Variants in FCRL3 observed in about 807,000 individuals in gnomAD.
FCRL3 encodes the protein Fc receptor-like protein 3.
A neutral mutation model predicts 75.0 loss-of-function variants in FCRL3; 89 were observed. The ratio of observed to expected loss-of-function variants is 1.19; its 90% CI spans 1.00 to 1.42. The LOEUF (loss-of-function observed/expected upper bound fraction) is 1.42, where lower values mean the gene tolerates loss of function less well. FCRL3 is among the 40% of genes most tolerant of loss of function. The pLI is 0.00. For missense variants in FCRL3, 946 were observed against 880.0 expected (o/e 1.07, Z -0.95); for synonymous variants, 376 against 348.5 (o/e 1.08, Z -0.88).
At chr1:157,694,645 A>G (rs981029886) in intron 8 of FCRL3, among the ~76,000 whole-genome samples, 5 of 152,202 alleles carry the variant, frequency 3.3e-5, no homozygotes, top group Admixed American at 3.3e-4. Flanking sequence ...ATGATTGGGC[A>G]CATTGCTAAT....
intron 11 of FCRL3, among the ~76,000 whole-genome samples, chr1:157,681,348 C>T (rs753620212): frequency 2.5e-4 from 38 of 150,230 alleles, no homozygotes; most frequent in Non-Finnish European, 4.4e-4. Flanking sequence ...CCCATTAACT[C>T]GTCATTTAGA....
intron 4 of FCRL3, chr1:157,698,155 T>C (rs573631254): frequency 4.2e-6 from 3 of 719,782 alleles, no homozygotes; most frequent in South Asian, 3.9e-5. Context: ...AATCCCAGAC[T>C]TGAACCCCTT....
rs1656054577 is a variant in FCRL3 at position 157,697,892 on chromosome 1, G to A, written c.326C>T (p.Pro109Leu). 1 of 1,614,020 alleles carries A rather than the reference G, an allele frequency of 6.2e-7. No individual in the cohort carries two copies. Among genetic ancestry groups the A allele is most frequent in the Non-Finnish European group, 8.5e-7 (1 of 1,180,014 alleles). The change falls in exon 5 of 15, where the codon CCT becomes CTT. Residue 109 changes from proline (P) to leucine (L), a missense_variant. Physicochemically the swap from Pro to Leu is moderately conservative, Grantham distance 98. Coordinates refer to ENST00000368184, the MANE Select transcript of FCRL3 (RefSeq NM_052939.4). Reference protein sequence around the residue: ...PDWLILQALHPVFEGDNVILR... With the variant: ...PDWLILQALHLVFEGDNVILR... ...AATGACATTGTCTCCTTCAAAGACA[G>A]GATGTAAAGCCTGCAGGATCAGCCA...
Position 157,698,419 on chromosome 1 carries a change from G to A in FCRL3, c.263C>T (p.Ser88Phe). 1 of 1,614,206 alleles carries A rather than the reference G, an allele frequency of 6.2e-7. No individual in the cohort carries two copies. Among genetic ancestry groups the A allele is most frequent in the South Asian group, 1.1e-5 (1 of 91,086 alleles). Residue 88 changes from serine to phenylalanine, a missense_variant, in exon 4 of 15, where the codon TCC becomes TTC. Transcript: ENST00000368184. ...TTCCACATGCACGGCATCACTGAGG[G>A]AGGATCCTCGGGTCTTACATTGGTA... is the stretch of plus-strand genomic sequence containing the variant. ...GNYQCKTRGS[S>F]LSDAVHVEFS... is the part of the protein sequence containing the mutation.
intron 10 of FCRL3, among the ~76,000 whole-genome samples, chr1:157,684,568 G>A (rs1306702875): frequency 6.6e-6 from 1 of 152,136 alleles, no homozygotes; most frequent in Non-Finnish European, 1.5e-5. Flanking sequence ...AGAGAAAACT[G>A]AGACCTAGAC....
chr1:157,678,890 A>G, intron 14 of FCRL3, 34 bp from the exon 15 acceptor site: 2 of 1,614,122 alleles, frequency 1.2e-6, no homozygotes, highest in Non-Finnish European at 1.7e-6. Flanking sequence ...TAAGTACCTA[A>G]ATACAGGAGA....
At chr1:157,694,929 G>A (rs1369848795) in intron 8 of FCRL3, among the ~76,000 whole-genome samples, 4 of 152,142 alleles carry the variant, frequency 2.6e-5, no homozygotes, top group Non-Finnish European at 5.9e-5. Flanking sequence ...AATTTAGATT[G>A]AGATAGGGGC....
rs547276540 is a variant in FCRL3 at position 157,677,909 on chromosome 1, G to T, written c.*801C>A. On this transcript the variant is annotated 3_prime_UTR_variant, in exon 15 of 15. Coordinates refer to ENST00000368184, the MANE Select transcript of FCRL3 (RefSeq NM_052939.4). ...AGTGAGGTAGAGGAAGAGAATGGGA[G>T]AAGCCACATAGATATAGTAGGTTAT... 1.2e-4 allele frequency: 119 copies of T among 966,052 alleles called. 1 individual carries two copies. The South Asian group carries it at 5.0e-3, about 41-fold the overall frequency. The allele number at this position is 966,052 out of a possible 1,614,324, so 59.8% of individuals were successfully genotyped here. A position where few individuals can be genotyped will look rare whatever the true frequency, so the allele number is the denominator to read the frequency against.
In FCRL3 at chr1:157,677,614, AT is replaced by A. The variant is rs1230328653; in HGVS notation, c.*1095del. On this transcript the variant is annotated 3_prime_UTR_variant, in exon 15 of 15. Transcript: ENST00000368184. Reference sequence around the variant, plus strand: ...TTTTGATGGTGATAGCTAGGAAAACATTAAGCCAGATATTTTACACAAGTAA... The same window carrying A: ...TTTTGATGGTGATAGCTAGGAAAACATAAGCCAGATATTTTACACAAGTAA... The A allele has an allele frequency of 9.1e-6, 9 of 984,992 alleles. No individual in the cohort carries two copies. The African/African-American group carries it at 1.6e-4, about 17-fold the overall frequency. The allele number at this position is 984,992 out of a possible 1,614,324, so 61.0% of individuals were successfully genotyped here. A position where few individuals can be genotyped will look rare whatever the true frequency, so the allele number is the denominator to read the frequency against.
chr1:157,680,663 A>T lies in FCRL3; in HGVS notation c.2026+39T>A, dbSNP rs1040883765. The T allele has an allele frequency of 1.9e-6, 3 of 1,574,726 alleles. No homozygotes were observed. The African/African-American group carries it at 4.1e-5, about 21-fold the overall frequency. ...GACCCCTTGCCCGTTTCAATAAAAC[A>T]CTGCCACCTCACCTCTATTTGCCTG... On this transcript the variant is annotated intron_variant, in intron 13 of 14. Transcript: ENST00000368184.
chr1:157,693,991 T>C (rs142258386), intron 8 of FCRL3, among the ~76,000 whole-genome samples: 2,170 of 152,176 alleles, frequency 0.014, 49 homozygotes, highest in African/African-American at 0.049. Flanking sequence ...CTCAAGTGAT[T>C]TGCCCACCTC....
At chr1:157,700,407 T>C (rs1656238806) in intron 2 of FCRL3, 52 bp downstream of exon 2, 1 of 1,613,240 alleles carries the variant, frequency 6.2e-7, no homozygotes, top group Admixed American at 1.7e-5. Context: ...AGTTTTTCCC[T>C]GGTCACCTTT....
rs753022669 is a variant in FCRL3, at chr1:157,695,372, G to A, written c.1368C>T (p.Gly456=). 2.0e-5 allele frequency: 32 copies of A among 1,614,090 alleles called. No homozygotes were observed. Among genetic ancestry groups the A allele is most frequent in the African/African-American group, 4.0e-5 (3 of 74,940 alleles). The change falls in exon 8 of 15, where the codon GGC becomes GGT. Residue 456 remains glycine (G), a synonymous_variant. Coordinates refer to ENST00000368184, the MANE Select transcript of FCRL3 (RefSeq NM_052939.4). ...CTCCATGACTGTGCTGGGCCCCCAG[G>A]CCATTGTCTGCATCACAGGAGTAGT... ...SGNYSCDADN[G]LGAQHSHGVS...
intron 10 of FCRL3, among the ~76,000 whole-genome samples, chr1:157,683,858 G>A (rs1655002218): frequency 6.6e-6 from 1 of 152,066 alleles, no homozygotes; most frequent in South Asian, 2.1e-4. Context: ...GATGCCAACA[G>A]GCTGGATTAA....
Position 157,700,754 on chromosome 1 carries a change from A to C in FCRL3, c.-189T>G. On this transcript the variant is annotated 5_prime_UTR_variant, in exon 1 of 15. Coordinates refer to ENST00000368184, the MANE Select transcript of FCRL3 (RefSeq NM_052939.4). ...CATCAGCTGCAGTCTCTCAGGAGTA[A>C]TGTCTCCAAGACTGTGCCTGGGTTC... 5.1e-6 allele frequency: 7 copies of C among 1,381,166 alleles called. No homozygotes were observed. Among genetic ancestry groups the C allele is most frequent in the Non-Finnish European group, 6.6e-6 (7 of 1,064,740 alleles). The allele number at this position is 1,381,166 out of a possible 1,614,324, so 85.6% of individuals were successfully genotyped here. A position where few individuals can be genotyped will look rare whatever the true frequency, so the allele number is the denominator to read the frequency against.
chr1:157,689,485 A>C (rs796912874), intron 10 of FCRL3, among the ~76,000 whole-genome samples: 28 of 152,208 alleles, frequency 1.8e-4, no homozygotes, highest in African/African-American at 6.7e-4. Flanking sequence ...ATGATGATTT[A>C]TTTATTTTTT....
chr1:157,696,086 G>A lies in FCRL3; in HGVS notation c.1086C>T (p.Asn362=), dbSNP rs368325573. The A allele has an allele frequency of 6.8e-6, 11 of 1,613,348 alleles. No homozygotes were observed. Among genetic ancestry groups the A allele is most frequent in the African/African-American group, 5.3e-5 (4 of 74,914 alleles). ...DAGRYYCAAD[N]VHSPILSTWI... is the part of the protein sequence containing the mutation. ...ACGTGCTGAGGATGGGGCTGTGAAC[G>A]TTATCAGCTGCACAGTAGTATCTCC... Residue 362 remains asparagine (N), a synonymous_variant, in exon 7 of 15, where the codon AAC becomes AAT. Transcript: ENST00000368184.
intron 11 of FCRL3, 138 bp from the exon 12 acceptor site, chr1:157,681,237 T>TC: frequency 2.2e-6 from 1 of 458,530 alleles, no homozygotes; most frequent in Non-Finnish European, 3.7e-6. Context: ...TTGGGTCTTT[T>TC]TTTTTAATTT....
Position 157,679,176 on chromosome 1 carries a change from C to A in FCRL3, c.2027-203G>T. 3 of 626,608 alleles carry A rather than the reference C, an allele frequency of 4.8e-6. No homozygotes were observed. In the East Asian group the frequency reaches 8.3e-5, roughly 17 times the overall value. The allele number at this position is 626,608 out of a possible 1,614,324, so 38.8% of individuals were successfully genotyped here. On this transcript the variant is annotated intron_variant, in intron 13 of 14. Coordinates refer to ENST00000368184, the MANE Select transcript of FCRL3 (RefSeq NM_052939.4). ...TTGCTTGATCTCTTGACTGTTTCCT[C>A]TGTTGGATTCTTCCAAACCCAAATA...
Sources: allele counts gnomAD v4.1 joint callset (sites outside exome capture counted in the v4.1 genomes callset), GRCh38; gene constraint gnomAD v4.1.1; transcripts MANE v1.5; gene names NCBI Gene and HGNC (gene_info 2026-07-23, HGNC 2026-07-21).